ENTREP1: variants seen among roughly 807,000 people sequenced by gnomAD.
ENTREP1 encodes the protein endosomal transmembrane epsin interactor 1.
chr9:69,344,133 T>C, the ENTREP1 span, among the ~76,000 whole-genome samples: 1 of 152,224 alleles, frequency 6.6e-6, no homozygotes. Context: ...TTTCTGAATA[T>C]GACTATGAGA....
At chr9:69,329,584 G>A in the ENTREP1 span, 1 of 985,310 alleles carries the variant, frequency 1.0e-6, no homozygotes. Context: ...TGAGCACTCT[G>A]AGCATTTGAT....
chr9:69,376,512 A>AGTGG, the ENTREP1 span, among the ~76,000 whole-genome samples: 1 of 152,220 alleles, frequency 6.6e-6, no homozygotes. Flanking sequence ...ACATTAGCTC[A>AGTGG]GTGAGTGACA....
the ENTREP1 span, among the ~76,000 whole-genome samples, chr9:69,378,444 A>G: frequency 6.6e-6 from 1 of 152,152 alleles, no homozygotes; most frequent in Non-Finnish European, 1.5e-5. Flanking sequence ...ATTGTTAGCA[A>G]CTTCTAGAAT....
At chr9:69,329,502 C>T in the ENTREP1 span, 4 of 981,286 alleles carry the variant, frequency 4.1e-6, no homozygotes, top group Non-Finnish European at 4.8e-6. Context: ...TTCTATAAAG[C>T]ATCTTTTTTC....
the ENTREP1 span, among the ~76,000 whole-genome samples, chr9:69,340,601 G>GTGTGTGCA: frequency 2.5e-4 from 22 of 87,660 alleles, no homozygotes; most frequent in Non-Finnish European, 2.2e-4. Flanking sequence ...GTGCATGCAT[G>GTGTGTGCA]TGTGTGTGTG....
the ENTREP1 span, among the ~76,000 whole-genome samples, chr9:69,388,788 G>A: frequency 6.6e-6 from 1 of 152,182 alleles, no homozygotes; most frequent in African/African-American, 2.4e-5. Context: ...TGAATTGAAG[G>A]TTTCCTTTGA....
At chr9:69,386,000 GA>G in the ENTREP1 span, 5 of 1,515,636 alleles carry the variant, frequency 3.3e-6, no homozygotes, top group Non-Finnish European at 4.4e-6. Flanking sequence ...TTGCCTAAAG[GA>G]GCCAGGTGAA....
the ENTREP1 span, among the ~76,000 whole-genome samples, chr9:69,333,395 C>T: frequency 1.3e-5 from 2 of 151,916 alleles, no homozygotes; most frequent in African/African-American, 4.8e-5. Context: ...CCCTCTACCT[C>T]CTGGGTTCAA....
the ENTREP1 span, among the ~76,000 whole-genome samples, chr9:69,335,890 G>A: frequency 2.7e-5 from 1 of 36,632 alleles, no homozygotes; most frequent in Non-Finnish European, 6.1e-5. Context: ...AGGCAGAGGC[G>A]GGAGGATCAC....
At chr9:69,329,614 TA>T in the ENTREP1 span, 1 of 985,218 alleles carries the variant, frequency 1.0e-6, no homozygotes. Context: ...GTATCACCGG[TA>T]AATCACTCAA....
At chr9:69,336,316 G>A in the ENTREP1 span, 1 of 1,194,024 alleles carries the variant, frequency 8.4e-7, no homozygotes, top group South Asian at 1.3e-5. Context: ...AATGTGCTAT[G>A]TATGAAGTCT....
At chr9:69,385,759 G>A in the ENTREP1 span, 17 of 1,414,208 alleles carry the variant, frequency 1.2e-5, no homozygotes, top group Middle Eastern at 2.4e-4. Context: ...TTTATGTTTC[G>A]CCTCTTTTTT....
At chr9:69,377,327 G>A in the ENTREP1 span, 1 of 1,074,598 alleles carries the variant, frequency 9.3e-7, no homozygotes, top group South Asian at 1.2e-5. Flanking sequence ...TTCTGGTGAT[G>A]TTTGTTGAAG....
the ENTREP1 span, chr9:69,380,807 T>C: frequency 1.3e-5 from 2 of 152,278 alleles, no homozygotes; most frequent in African/African-American, 4.8e-5. Context: ...TGAGGGGGTC[T>C]TGGGCATTGA....
At chr9:69,367,850 A>T in the ENTREP1 span, among the ~76,000 whole-genome samples, 34 of 113,744 alleles carry the variant, frequency 3.0e-4, no homozygotes, top group East Asian at 1.5e-3. Flanking sequence ...TATATATATA[A>T]ATATATACAC....
At chr9:69,375,950 A>G in the ENTREP1 span, 33 of 1,420,170 alleles carry the variant, frequency 2.3e-5, no homozygotes, top group South Asian at 4.2e-4. Context: ...TTCCTGTTCT[A>G]TTACCTCCCT....
the ENTREP1 span, among the ~76,000 whole-genome samples, chr9:69,362,340 G>A: frequency 6.6e-6 from 1 of 152,168 alleles, no homozygotes; most frequent in Non-Finnish European, 1.5e-5. Flanking sequence ...AATTGAAGGT[G>A]ATGTTGCTTC....
chr9:69,335,410 C>A, the ENTREP1 span, among the ~76,000 whole-genome samples: 1 of 152,154 alleles, frequency 6.6e-6, no homozygotes, highest in African/African-American at 2.4e-5. Flanking sequence ...GATAAAAGTT[C>A]TCAGGCAGCT....
At chr9:69,328,455 C>A in the ENTREP1 span, among the ~76,000 whole-genome samples, 6,463 of 152,102 alleles carry the variant, frequency 0.042, 171 homozygotes, top group African/African-American at 0.078. Context: ...GTAATGATCC[C>A]GCATTTTACC....
Sources: allele counts gnomAD v4.1 joint callset (sites outside exome capture counted in the v4.1 genomes callset), GRCh38; gene constraint gnomAD v4.1.1; transcripts MANE v1.5; gene names NCBI Gene and HGNC (gene_info 2026-07-23, HGNC 2026-07-21).